Variants in SLC24A2 observed in about 807,000 individuals in gnomAD.
The protein encoded by SLC24A2 is sodium/potassium/calcium exchanger 2.
In SLC24A2, 36 loss-of-function variants were observed where a neutral mutation model predicts 62.0. The observed-to-expected ratio is 0.58, with a 90% CI of 0.44 to 0.77. The LOEUF is 0.77. Ranked by LOEUF, SLC24A2 falls within the 30% of genes least tolerant of loss-of-function variation. The probability of loss-of-function intolerance (pLI) is 0.00; values close to 1 mark genes in which losing one functional copy is unlikely to be tolerated. For missense variants in SLC24A2, 846 were observed against 817.9 expected (o/e 1.03, Z -0.42); for synonymous variants, 358 against 294.0 (o/e 1.22, Z -2.23).
At chr9:20,085,099 A>G in the SLC24A2 span, among the ~76,000 whole-genome samples, 1 of 152,180 alleles carries the variant, frequency 6.6e-6, no homozygotes, top group African/African-American at 2.4e-5. Flanking sequence ...GGGCTCAAAC[A>G]GTACTCCCAC....
At chr9:20,282,296 G>C in the SLC24A2 span, among the ~76,000 whole-genome samples, 1 of 152,192 alleles carries the variant, frequency 6.6e-6, no homozygotes, top group East Asian at 1.9e-4. Flanking sequence ...AAATTCCATG[G>C]TTTGTGTAAA....
intron 2 of SLC24A2, among the ~76,000 whole-genome samples, chr9:19,647,048 C>A (rs974872295): frequency 4.9e-5 from 6 of 121,982 alleles, no homozygotes; most frequent in Admixed American, 9.7e-5. Flanking sequence ...CTCTCTCTTT[C>A]CACACACACA....
At chr9:19,743,160 T>C (rs1305660524) in intron 2 of SLC24A2, among the ~76,000 whole-genome samples, 1 of 152,140 alleles carries the variant, frequency 6.6e-6, no homozygotes, top group Admixed American at 6.6e-5. Context: ...AAGTAAAAAT[T>C]GGTTCCACTG....
At chr9:20,013,357 A>G in the SLC24A2 span, among the ~76,000 whole-genome samples, 6 of 152,306 alleles carry the variant, frequency 3.9e-5, no homozygotes, top group East Asian at 1.2e-3. Flanking sequence ...AAATACATAC[A>G]TTCATCAGAG....
chr9:19,837,691 C>A, the SLC24A2 span, among the ~76,000 whole-genome samples: 4 of 152,004 alleles, frequency 2.6e-5, no homozygotes, highest in East Asian at 1.9e-4. Flanking sequence ...CCAAAAATCT[C>A]CTTAAGCTGA....
the SLC24A2 span, among the ~76,000 whole-genome samples, chr9:20,093,099 T>A: frequency 6.6e-6 from 1 of 151,862 alleles, no homozygotes; most frequent in Non-Finnish European, 1.5e-5. Context: ...TAGACCGAGT[T>A]TCGATCTCGT....
the SLC24A2 span, among the ~76,000 whole-genome samples, chr9:20,168,521 T>C: frequency 1.3e-5 from 2 of 151,654 alleles, no homozygotes; most frequent in Non-Finnish European, 2.9e-5. Flanking sequence ...AAGGAAGTAA[T>C]CCAATTCAAA....
At chr9:19,610,537 G>A (rs1837126830) in intron 4 of SLC24A2, among the ~76,000 whole-genome samples, 1 of 152,166 alleles carries the variant, frequency 6.6e-6, no homozygotes, top group African/African-American at 2.4e-5. Flanking sequence ...ACAAGGAGAT[G>A]GAAGAACTCA....
the SLC24A2 span, among the ~76,000 whole-genome samples, chr9:20,010,397 T>A: frequency 2.3e-4 from 35 of 152,236 alleles, no homozygotes; most frequent in Middle Eastern, 6.8e-3. Flanking sequence ...TGCTAATGGA[T>A]GCAGAAGAAA....
intron 2 of SLC24A2, 123 bp from the exon 3 acceptor site, chr9:19,622,422 G>C (rs1487459555): frequency 1.9e-6 from 2 of 1,040,356 alleles, no homozygotes; most frequent in African/African-American, 1.6e-5. Flanking sequence ...TCTGCTCCTG[G>C]GATGAGTTAA....
chr9:19,721,364 A>G (rs990184320), intron 2 of SLC24A2, among the ~76,000 whole-genome samples: 4 of 152,180 alleles, frequency 2.6e-5, no homozygotes, highest in Non-Finnish European at 2.9e-5. Context: ...CTCTGTTGAT[A>G]CTGGCTAGAG....
chr9:20,021,248 G>A, the SLC24A2 span, among the ~76,000 whole-genome samples: 2 of 151,966 alleles, frequency 1.3e-5, no homozygotes, highest in South Asian at 2.1e-4. Context: ...GCATGTTAGC[G>A]TGTAGTATGT....
At chr9:19,943,978 C>G in the SLC24A2 span, among the ~76,000 whole-genome samples, 1 of 152,072 alleles carries the variant, frequency 6.6e-6, no homozygotes, top group Non-Finnish European at 1.5e-5. Flanking sequence ...TTAGATGATT[C>G]AAAGGAGGAA....
At chr9:19,885,241 A>G in the SLC24A2 span, among the ~76,000 whole-genome samples, 30 of 152,192 alleles carry the variant, frequency 2.0e-4, no homozygotes, top group Non-Finnish European at 4.3e-4. Flanking sequence ...GGCCAGATGC[A>G]TGCTAACGTG....
At chr9:20,142,616 A>T in the SLC24A2 span, among the ~76,000 whole-genome samples, 2 of 151,546 alleles carry the variant, frequency 1.3e-5, no homozygotes, top group South Asian at 2.1e-4. Context: ...TATTTTTTTG[A>T]CATGGAGTCT....
At chr9:19,902,318 T>C in the SLC24A2 span, among the ~76,000 whole-genome samples, 197 of 152,234 alleles carry the variant, frequency 1.3e-3, no homozygotes, top group Non-Finnish European at 2.6e-3. Flanking sequence ...ATTTTTAGTT[T>C]ACAAGACTGA....
At chr9:20,079,330 G>C in the SLC24A2 span, among the ~76,000 whole-genome samples, 1 of 152,140 alleles carries the variant, frequency 6.6e-6, no homozygotes, top group Non-Finnish European at 1.5e-5. Context: ...AAATACTCTT[G>C]TTAAAGTTGC....
chr9:19,860,183 G>C, the SLC24A2 span, among the ~76,000 whole-genome samples: 4 of 152,226 alleles, frequency 2.6e-5, no homozygotes, highest in South Asian at 4.1e-4. Context: ...CTCAAAAAGA[G>C]ACCCCTTCCT....
intron 2 of SLC24A2, among the ~76,000 whole-genome samples, chr9:19,721,122 G>A (rs1157505820): frequency 6.6e-6 from 1 of 151,918 alleles, no homozygotes; most frequent in African/African-American, 2.4e-5. Flanking sequence ...TCAAAGTAAT[G>A]GGATTTAAAA....
Sources: allele counts gnomAD v4.1 joint callset (sites outside exome capture counted in the v4.1 genomes callset), GRCh38; gene constraint gnomAD v4.1.1; transcripts MANE v1.5; gene names NCBI Gene and HGNC (gene_info 2026-07-23, HGNC 2026-07-21).